WDHD1: variants seen among roughly 807,000 people sequenced by gnomAD.
The protein encoded by WDHD1 is WD repeat and HMG-box DNA binding protein 1.
WDHD1 carries 111 observed loss-of-function variants against 135.4 expected under a neutral mutation model. The ratio of observed to expected loss-of-function variants is 0.82; its 90% CI spans 0.70 to 0.96. The LOEUF (loss-of-function observed/expected upper bound fraction) is 0.96. Ranked by LOEUF, WDHD1 falls within the 40% of genes least tolerant of loss-of-function variation. WDHD1 has a pLI of 0.00. For synonymous variants in WDHD1, 434 were observed against 439.0 expected (o/e 0.99, Z 0.14); for missense variants, 1,351 against 1,336.3 (o/e 1.01, Z -0.17).
chr14:54,946,267 G>C (rs2040923257), intron 24 of WDHD1, among the ~76,000 whole-genome samples: 1 of 152,178 alleles, frequency 6.6e-6, no homozygotes, highest in Admixed American at 6.5e-5. Flanking sequence ...GCCTAGGCTG[G>C]CCTCAAACTT....
At chr14:54,957,760 A>C in intron 21 of WDHD1, 125 bp from the exon 22 acceptor site, 1 of 746,436 alleles carries the variant, frequency 1.3e-6, no homozygotes, top group Non-Finnish European at 2.1e-6. Context: ...CAACTTTTCA[A>C]AACTATTAAC....
chr14:54,963,183 AAGGG>A lies in WDHD1; in HGVS notation c.2311-15_2311-12del. 8.8e-6 allele frequency: 2 copies of A among 226,410 alleles called. No individual in the cohort carries two copies. Among genetic ancestry groups the A allele is most frequent in the South Asian group, 3.1e-5 (1 of 32,146 alleles). The allele number at this position is 226,410 out of a possible 1,614,324, so 14.0% of individuals were successfully genotyped here. On this transcript the variant is annotated splice_polypyrimidine_tract_variant and intron_variant, in intron 18 of 25. Transcript: ENST00000360586. ...CAGTTTACAAGAAAGCTAATCCAAA[AAGGG>A]GGGGGGGGGGGAGATCAAATAACAT...
At chr14:55,002,917 AG>A (rs2041999580) in intron 7 of WDHD1, among the ~76,000 whole-genome samples, 1 of 152,134 alleles carries the variant, frequency 6.6e-6, no homozygotes, top group Non-Finnish European at 1.5e-5. Flanking sequence ...TAAGGAATCT[AG>A]GTCCTTCTGA....
At chr14:54,961,233 G>A (rs2041246795) in intron 21 of WDHD1, among the ~76,000 whole-genome samples, 1 of 152,018 alleles carries the variant, frequency 6.6e-6, no homozygotes, top group Non-Finnish European at 1.5e-5. Context: ...GCTCACACCT[G>A]CAGGTCCAAC....
intron 10 of WDHD1, among the ~76,000 whole-genome samples, chr14:54,998,785 T>C (rs2041930189): frequency 6.6e-6 from 1 of 152,184 alleles, no homozygotes; most frequent in Admixed American, 6.5e-5. Flanking sequence ...TAGATAGATA[T>C]ATCCTCCTTG....
intron 7 of WDHD1, among the ~76,000 whole-genome samples, chr14:55,003,889 C>T (rs1385475558): frequency 6.6e-6 from 1 of 152,152 alleles, no homozygotes; most frequent in African/African-American, 2.4e-5. Flanking sequence ...TTTATGTACA[C>T]TGTCTGCTCA....
intron 2 of WDHD1, among the ~76,000 whole-genome samples, chr14:55,026,185 C>T (rs1001360972): frequency 5.3e-5 from 8 of 151,960 alleles, no homozygotes; most frequent in Admixed American, 5.2e-4. Flanking sequence ...AACATAGAAG[C>T]GACAGTGGAA....
intron 23 of WDHD1, 102 bp downstream of exon 23, chr14:54,956,932 A>G: frequency 1.4e-6 from 2 of 1,412,826 alleles, no homozygotes; most frequent in South Asian, 1.5e-5. Context: ...AGACAATTGT[A>G]AACAATCAGA....
chr14:54,977,833 C>T (rs567081835), intron 16 of WDHD1, among the ~76,000 whole-genome samples: 3 of 150,728 alleles, frequency 2.0e-5, no homozygotes, highest in South Asian at 2.1e-4. Flanking sequence ...CTGTAATTAT[C>T]GTAGTTTTTA....
rs185268339 is a variant in WDHD1 at position 54,994,548 on chromosome 14, A to G, written c.1153+1055T>C. ...CCAAGATTTTTACATTCTTTTTTTC[A>G]TATTGTCTTCAAAATCTGGTTGCAC... On this transcript the variant is annotated intron_variant, in intron 11 of 25. Coordinates refer to ENST00000360586, the MANE Select transcript of WDHD1 (RefSeq NM_007086.4). Among the ~76,000 whole-genome samples, 213 of 152,172 alleles carry G rather than the reference A, an allele frequency of 1.4e-3. 1 individual carries two copies. The highest frequency in any genetic ancestry group is 0.01 in the Middle Eastern group (3 of 294).
rs1027604895 is a variant in WDHD1 at position 54,962,988 on chromosome 14, T to A, written c.2495A>T (p.Glu832Val). Residue 832 changes from glutamate to valine, a missense_variant, in exon 19 of 26, where the codon GAA (glutamate) becomes GTA (valine). Glu to Val is a moderately radical substitution (Grantham distance 121). Around this residue, in one of 2 missense-constraint regions of WDHD1, gnomAD observed 1,330 missense variants for 1,296.1 expected, o/e 1.03. Transcript: ENST00000360586. ...ELTATQVEEE[E>V]EEEDFRKKLN... ...CTTTTTTCTGAAATCTTCTTCTTCT[T>A]CTTCCTCTTCCACCTGGGTTGCTGT... 2 of 1,613,962 alleles carry A rather than the reference T, an allele frequency of 1.2e-6. No homozygotes were observed. Among genetic ancestry groups the A allele is most frequent in the Non-Finnish European group, 1.7e-6 (2 of 1,179,926 alleles).
chr14:55,005,039 A>T, intron 7 of WDHD1: 1 of 545,736 alleles, frequency 1.8e-6, no homozygotes, highest in Non-Finnish European at 3.6e-6. Context: ...CCTTGGTCAC[A>T]GCCTTTTCAG....
chr14:54,952,189 A>G (rs575186728), intron 24 of WDHD1, among the ~76,000 whole-genome samples: 5 of 152,344 alleles, frequency 3.3e-5, no homozygotes, highest in African/African-American at 1.2e-4. Context: ...TTAGGAAAAG[A>G]GGAAGTCAAA....
intron 10 of WDHD1, among the ~76,000 whole-genome samples, chr14:54,998,290 C>T (rs1185618746): frequency 6.6e-6 from 1 of 151,728 alleles, no homozygotes; most frequent in Non-Finnish European, 1.5e-5. Context: ...GAAATTAGCC[C>T]AGCTAATTTT....
intron 3 of WDHD1, among the ~76,000 whole-genome samples, chr14:55,011,524 CA>C (rs60615259): frequency 0.072 from 3,672 of 50,714 alleles, 81 homozygotes; most frequent in African/African-American, 0.21. Context: ...AACTCTGTCT[CA>C]AAAAAAAAAA....
At chr14:55,020,514 T>C (rs2042328458) in intron 2 of WDHD1, among the ~76,000 whole-genome samples, 1 of 152,332 alleles carries the variant, frequency 6.6e-6, no homozygotes, top group African/African-American at 2.4e-5. Flanking sequence ...TCTAAATATT[T>C]TGGAGTATCC....
intron 14 of WDHD1, among the ~76,000 whole-genome samples, chr14:54,986,397 GGCTAAA>G (rs2041694845): frequency 6.6e-6 from 1 of 151,892 alleles, no homozygotes; most frequent in South Asian, 2.1e-4. Flanking sequence ...TGAACTCCTG[GGCTAAA>G]GCAACTCTCC....
chr14:54,953,372 T>C lies in WDHD1; in HGVS notation c.3050+2189A>G, dbSNP rs934500393. ...TGCAGCCAACAGACACATGAAAAAA[T>C]GCTCATCATCACTGGCCATCAGAGA... On this transcript the variant is annotated intron_variant, in intron 24 of 25. Coordinates refer to ENST00000360586, the MANE Select transcript of WDHD1 (RefSeq NM_007086.4). 2.0e-5 allele frequency among the ~76,000 whole-genome samples: 3 copies of C among 152,176 alleles called. No individual in the cohort carries two copies. In the East Asian group the frequency reaches 5.8e-4, roughly 29 times the overall value.
At chr14:54,982,490 A>C (rs753888418) in intron 15 of WDHD1, among the ~76,000 whole-genome samples, 2 of 152,044 alleles carry the variant, frequency 1.3e-5, no homozygotes, top group Non-Finnish European at 2.9e-5. Context: ...GTCCCCAACT[A>C]CTAGGTAAGC....
Sources: allele counts gnomAD v4.1 joint callset (sites outside exome capture counted in the v4.1 genomes callset), GRCh38; gene constraint gnomAD v4.1.1; regional missense constraint gnomAD v4.1.1; transcripts MANE v1.5; gene names NCBI Gene and HGNC (gene_info 2026-07-23, HGNC 2026-07-21).